The following SLX9 variants were observed in gnomAD, a reference collection of about 807,000 sequenced individuals.
SLX9 encodes SLX9 ribosome biogenesis factor.
A neutral mutation model predicts 20.8 loss-of-function variants in SLX9; 19 were observed. The ratio of observed to expected loss-of-function variants is 0.91; its 90% CI spans 0.64 to 1.34. The LOEUF (loss-of-function observed/expected upper bound fraction) is 1.34. SLX9 is among the 40% of genes most tolerant of loss of function. The pLI, the probability that SLX9 is intolerant of heterozygous loss-of-function variation, is 0.00. For missense variants in SLX9, 299 were observed against 322.2 expected, an observed-to-expected ratio of 0.93 and a Z score of 0.55; for synonymous variants, 113 against 137.1, an observed-to-expected ratio of 0.82 and a Z score of 1.23.
chr21:44,951,207 C>T lies in SLX9; in HGVS notation c.283+7370C>T, dbSNP rs574699165. On this transcript the variant is annotated intron_variant, in intron 2 of 5. Transcript: ENST00000291634. ...CTGTTCACTCAGGTTGAGATGAAAC[C>T]GTGGCTGCTGCCATACTGGGCGCAG... Among the ~76,000 whole-genome samples, 3 of 152,138 alleles carry T rather than the reference C, an allele frequency of 2.0e-5. No individual in the cohort carries two copies. The East Asian group carries it at 5.8e-4, about 29-fold the overall frequency.
rs11372824 is a variant in SLX9, at chr21:44,961,236, C to CTT, written c.352+1076_352+1077dup. Among the ~76,000 whole-genome samples the CTT allele has an allele frequency of 7.4e-3, 1,119 of 151,118 alleles. 21 individuals are homozygous for CTT. Among genetic ancestry groups the CTT allele is most frequent in the African/African-American group, 0.025 (1,043 of 41,124 alleles). ...AAATTTTATTCCATGGCACTTGGTC[C>CTT]TTTTTTTTTGTTTTTTCACAACTTG... On this transcript the variant is annotated intron_variant, in intron 3 of 5. Transcript: ENST00000291634.
At chr21:44,949,865 G>A (rs995575523) in intron 2 of SLX9, among the ~76,000 whole-genome samples, 5 of 152,176 alleles carry the variant, frequency 3.3e-5, no homozygotes, top group Admixed American at 1.3e-4. Context: ...AGGCACCTGC[G>A]GTGGAGGGAC....
At chr21:44,945,296 G>A (rs1412235539) in intron 2 of SLX9, among the ~76,000 whole-genome samples, 2 of 152,232 alleles carry the variant, frequency 1.3e-5, no homozygotes, top group African/African-American at 4.8e-5. Flanking sequence ...GTGCCTTCCA[G>A]CCAGGAACGC....
chr21:44,956,116 C>G (rs1601396420), intron 2 of SLX9, among the ~76,000 whole-genome samples: 1 of 152,342 alleles, frequency 6.6e-6, no homozygotes, highest in South Asian at 2.1e-4. Context: ...TCCTGTTTTT[C>G]TTTTCGGCTG....
intron 2 of SLX9, among the ~76,000 whole-genome samples, chr21:44,950,354 C>G (rs1317135255): frequency 6.6e-6 from 1 of 152,004 alleles, no homozygotes; most frequent in Non-Finnish European, 1.5e-5. Context: ...AAAATAAGAA[C>G]AAACTGACGG....
rs577609861 is a variant in SLX9 at position 44,950,520 on chromosome 21, G to A, written c.283+6683G>A. On this transcript the variant is annotated intron_variant, in intron 2 of 5. Transcript: ENST00000291634. The stretch of plus-strand genomic sequence containing the variant: ...CTGCGCTCCTGCAGAGAGTGTGGCC[G>A]TGCCAGCCGGTATGTTGGGAGCCCA... Among the ~76,000 whole-genome samples, 374 of 152,308 alleles carry A rather than the reference G, an allele frequency of 2.5e-3. 2 individuals carry two copies. The highest frequency in any genetic ancestry group is 8.6e-3 in the Admixed American group (131 of 15,298).
chr21:44,958,532 G>C (rs881318), intron 2 of SLX9: 60,798 of 152,276 alleles, frequency 0.4, 14,629 homozygotes, highest in South Asian at 0.65. Context: ...GCGGGGGAGA[G>C]GGAATCAGGA....
intron 2 of SLX9, among the ~76,000 whole-genome samples, chr21:44,958,038 C>G (rs537162406): frequency 6.6e-6 from 1 of 152,232 alleles, no homozygotes; most frequent in African/African-American, 2.4e-5. Context: ...CTCGGCTGGC[C>G]GGCGATTGTA....
At chr21:44,973,421 G>A (rs1270717641) in intron 5 of SLX9, among the ~76,000 whole-genome samples, 156 bp downstream of exon 5, 13 of 117,974 alleles carry the variant, frequency 1.1e-4, no homozygotes, top group Non-Finnish European at 1.9e-4. Flanking sequence ...CCCTCTCCAG[G>A]GGTTCAGCTC....
At chr21:44,941,583 C>T (rs2084549655) in intron 1 of SLX9, among the ~76,000 whole-genome samples, 1 of 152,148 alleles carries the variant, frequency 6.6e-6, no homozygotes, top group Admixed American at 6.5e-5. Flanking sequence ...CACTGGATAC[C>T]TCTGGCTTGG....
chr21:44,954,407 C>T (rs937755392), intron 2 of SLX9, among the ~76,000 whole-genome samples: 2 of 151,966 alleles, frequency 1.3e-5, no homozygotes, highest in African/African-American at 2.4e-5. Context: ...GGAGGAATGT[C>T]GAACCCCTGG....
chr21:44,974,092 G>T (rs566872708), intron 5 of SLX9, among the ~76,000 whole-genome samples: 2 of 152,180 alleles, frequency 1.3e-5, no homozygotes, highest in African/African-American at 2.4e-5. Flanking sequence ...TCCAGACCAC[G>T]CACGCTCTCT....
intron 5 of SLX9, among the ~76,000 whole-genome samples, chr21:44,975,601 G>C (rs1161255383): frequency 2.0e-5 from 3 of 152,236 alleles, no homozygotes; most frequent in Non-Finnish European, 4.4e-5. Flanking sequence ...ACCTGGCCTG[G>C]GCCTTCCCCT....
Position 44,976,725 on chromosome 21 carries a change from C to T in SLX9, c.615C>T (p.Ala205=). The T allele has an allele frequency of 6.4e-7, 1 of 1,573,018 alleles. No individual in the cohort carries two copies. Among genetic ancestry groups the T allele is most frequent in the Non-Finnish European group, 8.6e-7 (1 of 1,159,980 alleles). Reference sequence around the variant, plus strand: ...TTCAGGAGCTGCTGGCCAGTCCGGCCTACAGAGCCAGCCCCCTGGTGGCCA... The same window carrying T: ...TTCAGGAGCTGCTGGCCAGTCCGGCTTACAGAGCCAGCCCCCTGGTGGCCA... ...TRFQELLASP[A]YRASPLVAIG... Residue 205 remains alanine, a synonymous_variant, in exon 6 of 6, where the codon GCC becomes GCT. Coordinates refer to ENST00000291634, the MANE Select transcript of SLX9 (RefSeq NM_058190.4).
intron 5 of SLX9, among the ~76,000 whole-genome samples, chr21:44,975,160 TGAGTGGCTTG>T (rs376842898): frequency 7.2e-5 from 11 of 152,264 alleles, no homozygotes; most frequent in African/African-American, 2.4e-4. Context: ...CTCAGGTGTT[TGAGTGGCTTG>T]GATCCTTCGA....
intron 2 of SLX9, among the ~76,000 whole-genome samples, chr21:44,955,517 C>T (rs949969997): frequency 1.3e-5 from 2 of 152,164 alleles, no homozygotes; most frequent in African/African-American, 4.8e-5. Context: ...TCTGTCTGCT[C>T]CTTTCTTTTT....
chr21:44,959,476 C>T (rs1298211487), intron 2 of SLX9, among the ~76,000 whole-genome samples: 1 of 152,222 alleles, frequency 6.6e-6, no homozygotes, highest in African/African-American at 2.4e-5. Flanking sequence ...CCCTGTCCCC[C>T]CAGCAAATGA....
intron 3 of SLX9, among the ~76,000 whole-genome samples, chr21:44,964,718 A>G (rs757919545): frequency 7.9e-5 from 12 of 152,180 alleles, no homozygotes; most frequent in Non-Finnish European, 1.6e-4. Context: ...CCCACCCATC[A>G]GCTCCCTCCG....
At chr21:44,950,115 A>T (rs541246293) in intron 2 of SLX9, among the ~76,000 whole-genome samples, 2,258 of 148,750 alleles carry the variant, frequency 0.015, 26 homozygotes, top group South Asian at 0.032. Context: ...TTTTTTTTTT[A>T]AGATAACTGG....
Sources: gnomAD v4.1 joint callset for allele counts (sites outside exome capture counted in the v4.1 genomes callset) on GRCh38, gnomAD v4.1.1 for gene constraint, MANE v1.5 for transcripts, NCBI Gene and HGNC (gene_info 2026-07-23, HGNC 2026-07-21) for gene names.